Variants in NTM observed in about 807,000 individuals in gnomAD.
NTM encodes the protein neurotrimin.
A neutral mutation model predicts 42.1 loss-of-function variants in NTM; 13 were observed. The observed-to-expected ratio is 0.31, with a 90% CI of 0.20 to 0.49. NTM has a LOEUF of 0.49. Ranked by LOEUF, NTM falls within the 20% of genes least tolerant of loss-of-function variation. NTM has a pLI of 0.99. For synonymous variants in NTM, 187 were observed against 179.2 expected, an observed-to-expected ratio of 1.04 and a Z score of -0.35; for missense variants, 373 against 452.8, an observed-to-expected ratio of 0.82 and a Z score of 1.60.
rs182013443 is a variant in NTM, at chr11:131,505,065, T to A, written c.82+134177T>A. On this transcript the variant is annotated intron_variant, in intron 1 of 8. Transcript: ENST00000683400. ...AGGGGAAAGAGGTGTGGTCTCAGAG[T>A]CATGAAACCTACCTTCTACTTGACC... 1.4e-3 allele frequency among the ~76,000 whole-genome samples: 211 copies of A among 151,744 alleles called. 1 individual carries two copies. The highest frequency in any genetic ancestry group is 5.0e-3 in the African/African-American group (206 of 41,396).
chr11:131,789,477 AG>A lies in NTM; in HGVS notation c.83-122086del, dbSNP rs1305870314. Among the ~76,000 whole-genome samples, 2 of 13,192 alleles carry A rather than the reference AG, an allele frequency of 1.5e-4. 1 individual carries two copies. The highest frequency in any genetic ancestry group is 5.4e-4 in the African/African-American group (2 of 3,682). 8.7% of individuals were successfully genotyped at this position (13,192 alleles called of 152,430 possible). ...AAGAAGAAGAAGAAGAAGAAGAAGA[AG>A]AAGAAGAAGAAGAGGAAAGAAGAAG... On this transcript the variant is annotated intron_variant, in intron 1 of 8. Transcript: ENST00000683400.
At chr11:131,648,511 T>C (rs1026643046) in intron 1 of NTM, among the ~76,000 whole-genome samples, 4 of 152,202 alleles carry the variant, frequency 2.6e-5, no homozygotes, top group East Asian at 1.9e-4. Context: ...CCAGCATTTA[T>C]TTTTTGAATT....
At chr11:131,460,626 C>A (rs1169362234) in intron 1 of NTM, among the ~76,000 whole-genome samples, 1 of 152,118 alleles carries the variant, frequency 6.6e-6, no homozygotes, top group Non-Finnish European at 1.5e-5. Flanking sequence ...GATCTCAGCT[C>A]ACTGCAACCT....
intron 1 of NTM, among the ~76,000 whole-genome samples, chr11:131,576,333 T>G (rs766535631): frequency 6.6e-6 from 1 of 152,172 alleles, no homozygotes; most frequent in Non-Finnish European, 1.5e-5. Flanking sequence ...AGAACCAGGA[T>G]TGGTCCATCT....
At chr11:132,239,428 TG>T (rs1486516628) in intron 4 of NTM, among the ~76,000 whole-genome samples, 1 of 152,228 alleles carries the variant, frequency 6.6e-6, no homozygotes, top group Non-Finnish European at 1.5e-5. Context: ...ATTTTAAAAA[TG>T]GTTTATTAGA....
intron 2 of NTM, among the ~76,000 whole-genome samples, chr11:132,063,413 G>A (rs1045677822): frequency 2.0e-5 from 3 of 152,180 alleles, no homozygotes; most frequent in Non-Finnish European, 4.4e-5. Context: ...CTGGAAATGG[G>A]AAGGCCCTGA....
At chr11:131,648,179 G>C (rs964018811) in intron 1 of NTM, among the ~76,000 whole-genome samples, 1 of 152,190 alleles carries the variant, frequency 6.6e-6, no homozygotes, top group Admixed American at 6.5e-5. Flanking sequence ...TGCCGCAAAG[G>C]ATGGGATTTT....
At chr11:131,813,817 C>A (rs1293963980) in intron 1 of NTM, among the ~76,000 whole-genome samples, 1 of 151,468 alleles carries the variant, frequency 6.6e-6, no homozygotes, top group Non-Finnish European at 1.5e-5. Context: ...ATGACAGAGA[C>A]CCGGGTTCTA....
At chr11:131,833,512 G>T (rs2043087517) in intron 1 of NTM, among the ~76,000 whole-genome samples, 1 of 152,198 alleles carries the variant, frequency 6.6e-6, no homozygotes, top group Non-Finnish European at 1.5e-5. Context: ...CAAAGGAATG[G>T]AAGACACTCA....
At chr11:132,248,659 A>G (rs1226303249) in intron 4 of NTM, among the ~76,000 whole-genome samples, 1 of 152,210 alleles carries the variant, frequency 6.6e-6, no homozygotes, top group Non-Finnish European at 1.5e-5. Flanking sequence ...AATGGACGTC[A>G]TATCAAGCTG....
At chr11:131,988,515 T>C (rs2066457344) in intron 2 of NTM, among the ~76,000 whole-genome samples, 1 of 152,138 alleles carries the variant, frequency 6.6e-6, no homozygotes, top group Non-Finnish European at 1.5e-5. Flanking sequence ...CCTGGTGACA[T>C]AGTGACTGGC....
At chr11:131,961,503 T>C (rs1375491231) in intron 2 of NTM, among the ~76,000 whole-genome samples, 3 of 152,172 alleles carry the variant, frequency 2.0e-5, no homozygotes, top group Non-Finnish European at 4.4e-5. Flanking sequence ...AGGTGCAGCA[T>C]TGCTAGACTG....
chr11:132,083,385 C>A (rs2059327103), intron 2 of NTM, among the ~76,000 whole-genome samples: 1 of 152,196 alleles, frequency 6.6e-6, no homozygotes, highest in Admixed American at 6.5e-5. Flanking sequence ...TAAAGTGCAG[C>A]AAGAATAATT....
intron 1 of NTM, among the ~76,000 whole-genome samples, chr11:131,679,125 G>A (rs142215858): frequency 3.9e-5 from 6 of 152,222 alleles, no homozygotes; most frequent in Admixed American, 6.5e-5. Context: ...GGCCACCGTC[G>A]TTTGCTCCAT....
At chr11:131,826,903 C>T (rs937404290) in intron 1 of NTM, among the ~76,000 whole-genome samples, 3 of 152,132 alleles carry the variant, frequency 2.0e-5, no homozygotes, top group Admixed American at 1.3e-4. Flanking sequence ...AGTCACATGG[C>T]ATGGAGTAGT....
chr11:132,107,693 C>T (rs114934430), intron 2 of NTM, among the ~76,000 whole-genome samples: 135 of 152,114 alleles, frequency 8.9e-4, no homozygotes, highest in African/African-American at 3.1e-3. Flanking sequence ...AATGAGTTAA[C>T]GGCAGCTTAC....
In NTM at chr11:132,316,944, C is replaced by T. The variant is rs371210311; in HGVS notation, c.934+2241C>T. 1.7e-3 allele frequency among the ~76,000 whole-genome samples: 266 copies of T among 152,232 alleles called. 1 individual carries two copies. The highest frequency in any genetic ancestry group is 6.2e-3 in the African/African-American group (258 of 41,536). On this transcript the variant is annotated intron_variant, in intron 7 of 8. Coordinates refer to ENST00000683400, the MANE Select transcript of NTM (RefSeq NM_001352005.2). ...GTTGGAAAGCAGCATGTACTTTTTGCGAATATACAAACTTCTTGATGAAGT... is the reference window on the plus strand; with the variant it reads ...GTTGGAAAGCAGCATGTACTTTTTGTGAATATACAAACTTCTTGATGAAGT...
chr11:131,513,804 G>T (rs969053274), intron 1 of NTM, among the ~76,000 whole-genome samples: 2 of 152,172 alleles, frequency 1.3e-5, no homozygotes, highest in Admixed American at 1.3e-4. Context: ...GGCAGACTGA[G>T]ATTCAGAAGG....
intron 8 of NTM, among the ~76,000 whole-genome samples, chr11:132,330,908 C>T (rs1028517627): frequency 6.6e-6 from 1 of 152,196 alleles, no homozygotes; most frequent in Admixed American, 6.5e-5. Flanking sequence ...GTAGCTCTGA[C>T]CAGCACTGGC....
Sources: gnomAD v4.1 joint callset for allele counts (sites outside exome capture counted in the v4.1 genomes callset) on GRCh38, gnomAD v4.1.1 for gene constraint, MANE v1.5 for transcripts, NCBI Gene and HGNC (gene_info 2026-07-23, HGNC 2026-07-21) for gene names.